The following EGF variants were observed in gnomAD, a reference collection of about 807,000 sequenced individuals.
EGF encodes epidermal growth factor.
A neutral mutation model predicts 143.8 loss-of-function variants in EGF; 95 were observed. The observed-to-expected ratio is 0.66, with a 90% confidence interval of 0.56 to 0.78. The LOEUF (loss-of-function observed/expected upper bound fraction) is 0.78, where lower values mean the gene tolerates loss of function less well. EGF is among the 30% of genes least tolerant of loss of function. The probability of loss-of-function intolerance (pLI) is 0.00; values close to 1 mark genes in which losing one functional copy is unlikely to be tolerated. For synonymous variants in EGF, 510 were observed against 510.5 expected (o/e 1.00, Z 0.01); for missense variants, 1,320 against 1,470.9 (o/e 0.90, Z 1.68).
At chr4:109,953,526 T>C (rs1744281311) in intron 5 of EGF, among the ~76,000 whole-genome samples, 1 of 152,232 alleles carries the variant, frequency 6.6e-6, no homozygotes, top group Non-Finnish European at 1.5e-5. Flanking sequence ...GTTTTCAAAA[T>C]AAAGAGTTAG....
At chr4:109,965,854 A>G (rs970833297) in intron 10 of EGF, among the ~76,000 whole-genome samples, 1 of 152,050 alleles carries the variant, frequency 6.6e-6, no homozygotes, top group African/African-American at 2.4e-5. Flanking sequence ...AAGTACCCCT[A>G]TTTGTATTTA....
chr4:110,011,616 G>C lies in EGF; in HGVS notation c.*161G>C, dbSNP rs1374980005. 32 of 1,091,036 alleles carry C rather than the reference G, an allele frequency of 2.9e-5. No individual in the cohort carries two copies. In the South Asian group the frequency reaches 4.6e-4, roughly 16 times the overall value. The allele number at this position is 1,091,036 out of a possible 1,614,324, so 67.6% of individuals were successfully genotyped here. A position where few individuals can be genotyped will look rare whatever the true frequency, so the allele number is the denominator to read the frequency against. On this transcript the variant is annotated 3_prime_UTR_variant, in exon 24 of 24. Coordinates refer to ENST00000265171, the MANE Select transcript of EGF (RefSeq NM_001963.6). ...CAGATACGTAGTTGTGCTTTTGTTTGCTCTTTTAAGCAGTCTCACTGCAGT... is the reference window on the plus strand; with the variant it reads ...CAGATACGTAGTTGTGCTTTTGTTTCCTCTTTTAAGCAGTCTCACTGCAGT...
chr4:109,957,415 A>G (rs573518933), intron 5 of EGF, among the ~76,000 whole-genome samples: 1 of 152,346 alleles, frequency 6.6e-6, no homozygotes, highest in African/African-American at 2.4e-5. Flanking sequence ...AATCCACTAT[A>G]TATATCATGC....
Position 110,011,587 on chromosome 4 carries a change from G to A in EGF, c.*132G>A. 2 of 1,361,876 alleles carry A rather than the reference G, an allele frequency of 1.5e-6. No individual in the cohort carries two copies. Among genetic ancestry groups the A allele is most frequent in the African/African-American group, 1.4e-5 (1 of 69,458 alleles). 84.4% of individuals were successfully genotyped at this position (1,361,876 alleles called of 1,614,324 possible). Reference sequence around the variant, plus strand: ...CGACTAATCACCTACTCAATGCCTGGAGACAGATACGTAGTTGTGCTTTTG... The same window carrying A: ...CGACTAATCACCTACTCAATGCCTGAAGACAGATACGTAGTTGTGCTTTTG... On this transcript the variant is annotated 3_prime_UTR_variant, in exon 24 of 24. Coordinates refer to ENST00000265171, the MANE Select transcript of EGF (RefSeq NM_001963.6).
intron 13 of EGF, among the ~76,000 whole-genome samples, chr4:109,979,483 G>A (rs1749000781): frequency 1.3e-5 from 2 of 152,184 alleles, no homozygotes; most frequent in African/African-American, 4.8e-5. Flanking sequence ...GTGGAGATGG[G>A]AATGTGGGGA....
chr4:109,928,466 T>C (rs936633374), intron 1 of EGF, among the ~76,000 whole-genome samples: 2 of 152,160 alleles, frequency 1.3e-5, no homozygotes, highest in Non-Finnish European at 2.9e-5. Context: ...ACCAAGGTTT[T>C]ATTATGCAGA....
intron 5 of EGF, among the ~76,000 whole-genome samples, chr4:109,957,983 G>A (rs1745073120): frequency 6.6e-6 from 1 of 152,136 alleles, no homozygotes; most frequent in Non-Finnish European, 1.5e-5. Flanking sequence ...AAAAAATAAG[G>A]TGCAAAAGAG....
chr4:109,921,658 G>C (rs1453267150), intron 1 of EGF, among the ~76,000 whole-genome samples: 1 of 151,598 alleles, frequency 6.6e-6, no homozygotes, highest in Non-Finnish European at 1.5e-5. Flanking sequence ...TGTGCAGTAA[G>C]GGAATTACAT....
At chr4:109,946,960 A>T (rs1046683234) in intron 5 of EGF, among the ~76,000 whole-genome samples, 1 of 152,128 alleles carries the variant, frequency 6.6e-6, no homozygotes, top group Non-Finnish European at 1.5e-5. Context: ...CTCTACTAAA[A>T]ATACAAAAAT....
intron 22 of EGF, among the ~76,000 whole-genome samples, chr4:110,005,030 C>T (rs1170471967): frequency 1.5e-5 from 2 of 136,840 alleles, no homozygotes; most frequent in Non-Finnish European, 3.1e-5. Context: ...TTTTCTTTTT[C>T]TCTGTCTTTT....
chr4:109,992,964 G>T (rs1050204739), intron 18 of EGF, among the ~76,000 whole-genome samples: 1 of 127,360 alleles, frequency 7.9e-6, no homozygotes, highest in Non-Finnish European at 1.6e-5. Context: ...GGGGGAGGGG[G>T]GAGGGATAGC....
chr4:109,957,371 G>A (rs763957471), intron 5 of EGF, among the ~76,000 whole-genome samples: 1 of 152,276 alleles, frequency 6.6e-6, no homozygotes, highest in Non-Finnish European at 1.5e-5. Flanking sequence ...TAACCTTTAC[G>A]AGGAAAGTAA....
intron 13 of EGF, among the ~76,000 whole-genome samples, chr4:109,976,871 A>G (rs1161295980): frequency 6.6e-6 from 1 of 152,250 alleles, no homozygotes; most frequent in African/African-American, 2.4e-5. Context: ...TAGTACTACC[A>G]GGATATGTTG....
rs190335720 is a variant in EGF at position 109,970,631 on chromosome 4, C to T, written c.1724+1512C>T. On this transcript the variant is annotated intron_variant, in intron 11 of 23. Transcript: ENST00000265171. Reference sequence around the variant, plus strand: ...CACAAGGTCAGGAGATCGAGACCATCCTGGCTAACATGGTGAAACCCCGTC... The same window carrying T: ...CACAAGGTCAGGAGATCGAGACCATTCTGGCTAACATGGTGAAACCCCGTC... 3.8e-3 allele frequency among the ~76,000 whole-genome samples: 584 copies of T among 152,064 alleles called. 3 individuals are homozygous for T. The highest frequency in any genetic ancestry group is 0.011 in the South Asian group (52 of 4,804).
chr4:109,941,845 A>T (rs1443946652), intron 2 of EGF, among the ~76,000 whole-genome samples: 1 of 152,174 alleles, frequency 6.6e-6, no homozygotes, highest in Non-Finnish European at 1.5e-5. Flanking sequence ...CATACAAAAG[A>T]TCCTTAATCT....
At chr4:109,930,234 A>G (rs547769468) in intron 1 of EGF, among the ~76,000 whole-genome samples, 1 of 152,320 alleles carries the variant, frequency 6.6e-6, no homozygotes, top group African/African-American at 2.4e-5. Flanking sequence ...GGACTAATAC[A>G]GTGCTCTTTT....
chr4:109,993,796 C>T (rs530189805), intron 19 of EGF, among the ~76,000 whole-genome samples: 1 of 152,170 alleles, frequency 6.6e-6, no homozygotes, highest in African/African-American at 2.4e-5. Flanking sequence ...AATTAGAACT[C>T]CAGCTCTCTT....
intron 5 of EGF, among the ~76,000 whole-genome samples, chr4:109,950,635 A>T (rs1371330603): frequency 6.6e-6 from 1 of 152,094 alleles, no homozygotes; most frequent in Non-Finnish European, 1.5e-5. Flanking sequence ...CCTTGTTTAT[A>T]TTACATTCTC....
chr4:109,940,326 C>T (rs879693708), intron 1 of EGF, among the ~76,000 whole-genome samples: 3 of 152,070 alleles, frequency 2.0e-5, no homozygotes, highest in Non-Finnish European at 4.4e-5. Context: ...TAGTGTATGT[C>T]CCATGCAATA....
Sources: gnomAD v4.1 joint callset for allele counts (sites outside exome capture counted in the v4.1 genomes callset) on GRCh38, gnomAD v4.1.1 for gene constraint, MANE v1.5 for transcripts, NCBI Gene and HGNC (gene_info 2026-07-23, HGNC 2026-07-21) for gene names.